Variants in NEDD4L observed in about 807,000 individuals in gnomAD.
NEDD4L encodes NEDD4 like E3 ubiquitin protein ligase.
Under a neutral mutation model 148.9 loss-of-function variants are expected in NEDD4L, and 54 were observed. That is an observed-to-expected ratio of 0.36 (90% CI 0.29 to 0.45). The LOEUF is 0.45. Among genes scored for constraint, NEDD4L ranks in the 20% least tolerant of loss-of-function variants. The pLI, the probability that NEDD4L is intolerant of heterozygous loss-of-function variation, is 1.00. For synonymous variants in NEDD4L, 433 were observed against 440.7 expected (o/e 0.98, Z 0.22); for missense variants, 856 against 1,233.8 (o/e 0.69, Z 4.59).
chr18:58,289,294 G>A (rs1401898677), intron 5 of NEDD4L, among the ~76,000 whole-genome samples: 1 of 152,182 alleles, frequency 6.6e-6, no homozygotes, highest in Non-Finnish European at 1.5e-5. Flanking sequence ...TGAGGGGCAG[G>A]TGGGAGGAAG....
At chr18:58,233,258 G>T (rs1007782032) in intron 2 of NEDD4L, among the ~76,000 whole-genome samples, 1 of 152,218 alleles carries the variant, frequency 6.6e-6, no homozygotes, top group Non-Finnish European at 1.5e-5. Flanking sequence ...CTGAGTCATT[G>T]TATTAGTCCG....
chr18:58,094,338 C>A (rs1188775642), intron 1 of NEDD4L, among the ~76,000 whole-genome samples: 1 of 151,982 alleles, frequency 6.6e-6, no homozygotes, highest in Non-Finnish European at 1.5e-5. Context: ...GCACATGCCA[C>A]CCCGCCTGGC....
intron 1 of NEDD4L, among the ~76,000 whole-genome samples, chr18:58,107,900 A>G (rs2085167509): frequency 6.6e-6 from 1 of 151,800 alleles, no homozygotes; most frequent in African/African-American, 2.4e-5. Context: ...TTGTATTTTT[A>G]GTAAAGATGG....
intron 9 of NEDD4L, among the ~76,000 whole-genome samples, chr18:58,327,844 C>T (rs948973436): frequency 1.4e-4 from 21 of 151,804 alleles, no homozygotes; most frequent in Admixed American, 4.6e-4. Context: ...GAGAGTTTTC[C>T]CTGAAAAAAT....
chr18:58,356,223 A>G (rs1280964317), intron 18 of NEDD4L, among the ~76,000 whole-genome samples: 1 of 151,120 alleles, frequency 6.6e-6, no homozygotes, highest in Non-Finnish European at 1.5e-5. Context: ...CCCCCAAAGT[A>G]TTGGGATTAC....
At chr18:58,144,456 C>T (rs186595356) in intron 1 of NEDD4L, among the ~76,000 whole-genome samples, 132 of 152,214 alleles carry the variant, frequency 8.7e-4, no homozygotes, top group Non-Finnish European at 1.3e-3. Flanking sequence ...CCCCATGACC[C>T]AAACACTTCC....
intron 1 of NEDD4L, among the ~76,000 whole-genome samples, chr18:58,104,831 T>C (rs1270275806): frequency 6.6e-6 from 1 of 152,158 alleles, no homozygotes; most frequent in Non-Finnish European, 1.5e-5. Context: ...CCTGTGCACA[T>C]GTATTTCACT....
intron 1 of NEDD4L, among the ~76,000 whole-genome samples, chr18:58,129,536 G>A (rs780068693): frequency 2.0e-5 from 3 of 152,184 alleles, no homozygotes; most frequent in Non-Finnish European, 4.4e-5. Flanking sequence ...TCTTGAGTTG[G>A]AGGAATCATG....
chr18:58,367,711 T>C, intron 21 of NEDD4L, 35 bp from the exon 22 acceptor site: 1 of 1,610,560 alleles, frequency 6.2e-7, no homozygotes, highest in Non-Finnish European at 8.5e-7. Flanking sequence ...CATTTGAAAG[T>C]GTGATTGGGC....
intron 6 of NEDD4L, among the ~76,000 whole-genome samples, chr18:58,319,468 C>T (rs897766449): frequency 1.3e-5 from 2 of 152,234 alleles, no homozygotes; most frequent in African/African-American, 4.8e-5. Context: ...AAAGCAACTA[C>T]TCTCTTTCAA....
At chr18:58,070,760 T>C (rs59237263) in intron 1 of NEDD4L, among the ~76,000 whole-genome samples, 15,668 of 126,394 alleles carry the variant, frequency 0.12, 1,048 homozygotes, top group Admixed American at 0.22. Flanking sequence ...AATTTATTAA[T>C]TCAAGGCATG....
chr18:58,066,820 C>T (rs1211078139), intron 1 of NEDD4L, among the ~76,000 whole-genome samples: 2 of 151,894 alleles, frequency 1.3e-5, no homozygotes, highest in East Asian at 3.9e-4. Context: ...GGGTGGGGTG[C>T]CACATATTTT....
chr18:58,091,604 T>A (rs1358010413), intron 1 of NEDD4L: 3 of 152,222 alleles, frequency 2.0e-5, no homozygotes, highest in African/African-American at 7.2e-5. Context: ...ACTCATTTCA[T>A]TTTCACTGCA....
At chr18:58,227,158 G>A (rs183207523) in intron 2 of NEDD4L, among the ~76,000 whole-genome samples, 1 of 152,252 alleles carries the variant, frequency 6.6e-6, no homozygotes, top group East Asian at 1.9e-4. Flanking sequence ...TGGATTGTTT[G>A]CTACCTGTCT....
Position 58,349,535 on chromosome 18 carries a change from A to G in NEDD4L, c.1576-2A>G. ...CTACTGTCTTTTACATTTTTCTTGC[A>G]GGAAGATCCACGTTTGAAATTTCCA... On this transcript the variant is annotated splice_acceptor_variant, in intron 16 of 30. Coordinates refer to ENST00000400345, the MANE Select transcript of NEDD4L (RefSeq NM_001144967.3). LOFTEE classifies it high-confidence loss of function. 6.2e-7 allele frequency: 1 copy of G among 1,613,290 alleles called. No homozygotes were observed. The highest frequency in any genetic ancestry group is 8.5e-7 in the Non-Finnish European group (1 of 1,179,222).
chr18:58,391,723 A>G (rs999252830), intron 30 of NEDD4L, among the ~76,000 whole-genome samples, 164 bp downstream of exon 30: 3 of 152,236 alleles, frequency 2.0e-5, no homozygotes, highest in East Asian at 3.8e-4. Context: ...AGTAGTGCTA[A>G]TAAGACATAA....
chr18:58,296,944 G>A (rs1025209775), intron 5 of NEDD4L, among the ~76,000 whole-genome samples: 1 of 151,646 alleles, frequency 6.6e-6, no homozygotes, highest in Non-Finnish European at 1.5e-5. Context: ...AAAGTTAAAC[G>A]AGTGTCTTGG....
chr18:58,100,046 G>A (rs564255780), intron 1 of NEDD4L, among the ~76,000 whole-genome samples: 1 of 152,172 alleles, frequency 6.6e-6, no homozygotes, highest in Admixed American at 6.5e-5. Context: ...TGAAGCCAAT[G>A]GCAGCTCTGA....
At chr18:58,173,328 A>G (rs2146788489) in intron 2 of NEDD4L, among the ~76,000 whole-genome samples, 1 of 152,372 alleles carries the variant, frequency 6.6e-6, no homozygotes, top group East Asian at 1.9e-4. Flanking sequence ...AACCAACTGT[A>G]GAATCTCATG....
Sources: allele counts gnomAD v4.1 joint callset (sites outside exome capture counted in the v4.1 genomes callset), GRCh38; gene constraint gnomAD v4.1.1; transcripts MANE v1.5; gene names NCBI Gene and HGNC (gene_info 2026-07-23, HGNC 2026-07-21).